Variants in RALGAPA2 observed in about 807,000 individuals in gnomAD.
RALGAPA2 encodes Ral GTPase activating protein catalytic subunit alpha 2.
RALGAPA2 carries 139 observed loss-of-function variants against 230.4 expected under a neutral mutation model. That is an observed-to-expected ratio of 0.60 (90% CI 0.53 to 0.69). RALGAPA2 has a LOEUF of 0.69. Among genes scored for constraint, RALGAPA2 ranks in the 30% least tolerant of loss-of-function variants. The pLI, the probability that RALGAPA2 is intolerant of heterozygous loss-of-function variation, is 0.00. For missense variants in RALGAPA2, 2,163 were observed against 2,276.0 expected, an observed-to-expected ratio of 0.95 and a Z score of 1.01; for synonymous variants, 847 against 837.8, an observed-to-expected ratio of 1.01 and a Z score of -0.19.
intron 24 of RALGAPA2, among the ~76,000 whole-genome samples, chr20:20,544,736 T>C (rs147219843): frequency 0.017 from 2,579 of 152,246 alleles, 95 homozygotes; most frequent in East Asian, 0.14. Flanking sequence ...TGGATGAAGC[T>C]GGAAACCATC....
At chr20:20,616,784 T>C (rs2066157438) in intron 12 of RALGAPA2, among the ~76,000 whole-genome samples, 1 of 152,188 alleles carries the variant, frequency 6.6e-6, no homozygotes, top group Admixed American at 6.5e-5. Flanking sequence ...TTTTTTTTAA[T>C]ATGAAAGATA....
intron 2 of RALGAPA2, 45 bp from the exon 3 acceptor site, chr20:20,676,333 T>A (rs371461176): frequency 4.4e-5 from 57 of 1,285,740 alleles, no homozygotes; most frequent in Non-Finnish European, 6.3e-5. Flanking sequence ...TCATTTAAAC[T>A]TCAGGACACT....
At chr20:20,539,446 G>T (rs1485891338) in intron 24 of RALGAPA2, among the ~76,000 whole-genome samples, 5 of 151,756 alleles carry the variant, frequency 3.3e-5, no homozygotes, top group Non-Finnish European at 7.4e-5. Context: ...ATTTTGGAAG[G>T]CTACTTTATT....
chr20:20,692,319 T>C (rs1472449026), intron 1 of RALGAPA2, among the ~76,000 whole-genome samples: 1 of 152,224 alleles, frequency 6.6e-6, no homozygotes, highest in African/African-American at 2.4e-5. Flanking sequence ...TTCAAAAATT[T>C]ATCATAACTG....
At chr20:20,546,646 C>T in intron 24 of RALGAPA2, 58 bp downstream of exon 24, 2 of 1,509,298 alleles carry the variant, frequency 1.3e-6, no homozygotes, top group South Asian at 1.4e-5. Context: ...AAATCTGAAC[C>T]TTGTTAGCGA....
chr20:20,424,493 C>T (rs2060340808), intron 37 of RALGAPA2, among the ~76,000 whole-genome samples: 1 of 152,158 alleles, frequency 6.6e-6, no homozygotes, highest in African/African-American at 2.4e-5. Context: ...AACTTGATTT[C>T]TGGGAGGAAG....
intron 24 of RALGAPA2, among the ~76,000 whole-genome samples, chr20:20,542,491 G>A (rs1179535017): frequency 1.3e-5 from 2 of 152,216 alleles, no homozygotes; most frequent in African/African-American, 4.8e-5. Context: ...GAGGCATCAC[G>A]ATACCTGACT....
chr20:20,567,234 C>T (rs183223719), intron 23 of RALGAPA2, among the ~76,000 whole-genome samples: 66 of 152,308 alleles, frequency 4.3e-4, no homozygotes, highest in African/African-American at 1.6e-3. Context: ...ACATATTGAT[C>T]TTTCCATCTG....
chr20:20,688,010 G>A (rs1181771746), intron 1 of RALGAPA2, among the ~76,000 whole-genome samples: 1 of 152,086 alleles, frequency 6.6e-6, no homozygotes, highest in East Asian at 1.9e-4. Flanking sequence ...CTAACTGCAG[G>A]TTAGAAGCTT....
At chr20:20,524,334 T>A in intron 30 of RALGAPA2, 72 bp downstream of exon 30, 7 of 1,562,612 alleles carry the variant, frequency 4.5e-6, no homozygotes, top group South Asian at 1.1e-5. Flanking sequence ...AGTACATGCA[T>A]AAGACATATT....
intron 37 of RALGAPA2, among the ~76,000 whole-genome samples, chr20:20,429,002 G>A (rs1477750924): frequency 6.6e-6 from 1 of 151,900 alleles, no homozygotes. Flanking sequence ...TTCTGTTGGG[G>A]CAACATCTCA....
At chr20:20,433,897 A>G (rs532734398) in intron 37 of RALGAPA2, among the ~76,000 whole-genome samples, 1 of 152,242 alleles carries the variant, frequency 6.6e-6, no homozygotes, top group Non-Finnish European at 1.5e-5. Flanking sequence ...TAGATCAAAT[A>G]ACAAAATACT....
intron 10 of RALGAPA2, 34 bp downstream of exon 10, chr20:20,629,319 TAACACACACA>T: frequency 8.0e-6 from 9 of 1,126,660 alleles, no homozygotes; most frequent in Non-Finnish European, 1.1e-5. Context: ...CAAGAACTTG[TAACACACACA>T]CACACACACA....
chr20:20,693,339 T>C (rs1009377928), intron 1 of RALGAPA2, among the ~76,000 whole-genome samples: 10 of 152,330 alleles, frequency 6.6e-5, no homozygotes, highest in South Asian at 4.1e-4. Flanking sequence ...AAACACACTA[T>C]AGAAACTGAT....
At chr20:20,479,505 T>C (rs978239353) in intron 36 of RALGAPA2, among the ~76,000 whole-genome samples, 3 of 152,136 alleles carry the variant, frequency 2.0e-5, no homozygotes, top group Non-Finnish European at 4.4e-5. Context: ...TACAACCACA[T>C]TAATAGATTG....
At chr20:20,710,338 T>C (rs1328062681) in intron 1 of RALGAPA2, among the ~76,000 whole-genome samples, 3 of 152,216 alleles carry the variant, frequency 2.0e-5, no homozygotes, top group Non-Finnish European at 4.4e-5. Flanking sequence ...TAGACTTTTT[T>C]TCGAGTAGCA....
intron 12 of RALGAPA2, among the ~76,000 whole-genome samples, chr20:20,618,988 T>A (rs937380823): frequency 6.6e-6 from 1 of 152,210 alleles, no homozygotes; most frequent in African/African-American, 2.4e-5. Context: ...AATTTAAAGA[T>A]TTAAATATCA....
chr20:20,550,912 T>C (rs1337835064), intron 23 of RALGAPA2, among the ~76,000 whole-genome samples: 4 of 152,238 alleles, frequency 2.6e-5, no homozygotes, highest in African/African-American at 4.8e-5. Context: ...GTGTAGTTTG[T>C]ATAATTCAGT....
At position 20,455,754 on chromosome 20, in the gene RALGAPA2, T is replaced by C. The variant is rs1462955239; in HGVS notation, c.5495+17075A>G. Among the ~76,000 whole-genome samples the C allele has an allele frequency of 3.9e-5, 6 of 152,156 alleles. No homozygotes were observed. In the East Asian group the frequency reaches 9.6e-4, roughly 24 times the overall value. On this transcript the variant is annotated intron_variant, in intron 37 of 39. Coordinates refer to ENST00000202677, the MANE Select transcript of RALGAPA2 (RefSeq NM_020343.4). ...GCCTTCCCCTACTTAAAGCAAAACA[T>C]TAAAAAAATTGGTCCAAACGGACAT... is the stretch of plus-strand genomic sequence containing the variant.
Sources: gnomAD v4.1 joint callset for allele counts (sites outside exome capture counted in the v4.1 genomes callset) on GRCh38, gnomAD v4.1.1 for gene constraint, MANE v1.5 for transcripts, NCBI Gene and HGNC (gene_info 2026-07-23, HGNC 2026-07-21) for gene names.